Variants in PTPRT observed in about 807,000 individuals in gnomAD.
PTPRT encodes protein tyrosine phosphatase receptor type T, also known as receptor-type tyrosine-protein phosphatase T.
In PTPRT, 56 loss-of-function variants were observed where a neutral mutation model predicts 176.8. The observed-to-expected ratio is 0.32, with a 90% CI of 0.26 to 0.40. The LOEUF is 0.40. PTPRT is among the 10% of genes least tolerant of loss of function. PTPRT has a pLI of 1.00. For synonymous variants in PTPRT, 783 were observed against 739.0 expected (o/e 1.06, Z -0.96); for missense variants, 1,540 against 1,908.2 (o/e 0.81, Z 3.60).
chr20:42,737,599 T>C (rs1449438207), intron 6 of PTPRT, among the ~76,000 whole-genome samples: 1 of 149,228 alleles, frequency 6.7e-6, no homozygotes, highest in African/African-American at 2.5e-5. Context: ...ACCATTGCAC[T>C]CCAGCCTGTG....
At chr20:42,391,255 C>G (rs1424762324) in intron 9 of PTPRT, among the ~76,000 whole-genome samples, 1 of 152,094 alleles carries the variant, frequency 6.6e-6, no homozygotes, top group Non-Finnish European at 1.5e-5. Flanking sequence ...TCGACTACAC[C>G]TCACAGGAAA....
intron 1 of PTPRT, among the ~76,000 whole-genome samples, chr20:42,891,625 T>A (rs2145887059): frequency 6.6e-6 from 1 of 152,258 alleles, no homozygotes. Context: ...AAACATGAGC[T>A]CTTCTTTTGA....
intron 13 of PTPRT, among the ~76,000 whole-genome samples, chr20:42,256,921 G>A (rs755243746): frequency 6.6e-6 from 1 of 152,192 alleles, no homozygotes; most frequent in Non-Finnish European, 1.5e-5. Flanking sequence ...CACCGCCAAA[G>A]AAGGGGCCTG....
intron 6 of PTPRT, among the ~76,000 whole-genome samples, chr20:42,738,378 G>T (rs1337410976): frequency 6.6e-6 from 1 of 152,054 alleles, no homozygotes; most frequent in Non-Finnish European, 1.5e-5. Flanking sequence ...CAGGCATGGT[G>T]GCAGGTGCCT....
intron 17 of PTPRT, among the ~76,000 whole-genome samples, chr20:42,156,947 A>G (rs943908820): frequency 1.3e-5 from 2 of 152,202 alleles, no homozygotes; most frequent in Admixed American, 1.3e-4. Flanking sequence ...TGTCTTCTCA[A>G]AGCTCTGAGG....
chr20:42,157,196 C>T lies in PTPRT; in HGVS notation c.2682+4156G>A, dbSNP rs561151371. Among the ~76,000 whole-genome samples the T allele has an allele frequency of 3.0e-4, 45 of 152,200 alleles. 3 individuals are homozygous for T. The South Asian group carries it at 6.0e-3, about 20-fold the overall frequency. ...TCCACCATGTCTATATTCCAAGTTT[C>T]GTCATCTAATTAAGGACTATCCTTT... On this transcript the variant is annotated intron_variant, in intron 17 of 30. Transcript: ENST00000373187.
chr20:42,349,523 T>A (rs1256291914), intron 11 of PTPRT, among the ~76,000 whole-genome samples: 1 of 152,242 alleles, frequency 6.6e-6, no homozygotes, highest in African/African-American at 2.4e-5. Flanking sequence ...TTCTTTAGGA[T>A]GTGACTTATC....
chr20:42,936,796 T>C (rs561412789), intron 1 of PTPRT, among the ~76,000 whole-genome samples: 65 of 152,262 alleles, frequency 4.3e-4, no homozygotes, highest in African/African-American at 1.4e-3. Context: ...AACAAAGAAA[T>C]AAGACATAGT....
intron 1 of PTPRT, among the ~76,000 whole-genome samples, chr20:43,010,106 T>C (rs989657248): frequency 1.3e-5 from 2 of 152,108 alleles, no homozygotes; most frequent in African/African-American, 2.4e-5. Context: ...TTCAGAAATG[T>C]CCCCACCTCC....
chr20:43,183,709 C>T (rs2015322205), intron 1 of PTPRT, among the ~76,000 whole-genome samples: 1 of 152,246 alleles, frequency 6.6e-6, no homozygotes, highest in Non-Finnish European at 1.5e-5. Flanking sequence ...ACCCCTGCTC[C>T]ATGCCCAACC....
intron 13 of PTPRT, among the ~76,000 whole-genome samples, chr20:42,253,903 C>T (rs968739572): frequency 2.0e-5 from 3 of 152,176 alleles, no homozygotes; most frequent in East Asian, 1.9e-4. Context: ...TCCCCAAATG[C>T]CATGATGGCT....
intron 16 of PTPRT, among the ~76,000 whole-genome samples, chr20:42,182,395 G>T (rs1471849706): frequency 1.3e-5 from 2 of 152,158 alleles, no homozygotes; most frequent in African/African-American, 4.8e-5. Context: ...GAGAATGATG[G>T]GATAGAATAA....
intron 5 of PTPRT, among the ~76,000 whole-genome samples, chr20:42,766,868 G>A (rs1470079366): frequency 6.6e-6 from 1 of 152,220 alleles, no homozygotes; most frequent in African/African-American, 2.4e-5. Flanking sequence ...AGCTACAGCA[G>A]GAAGTAGCAC....
chr20:42,269,772 G>C (rs930437102), intron 13 of PTPRT, among the ~76,000 whole-genome samples: 8 of 152,200 alleles, frequency 5.3e-5, no homozygotes, highest in Non-Finnish European at 1.2e-4. Flanking sequence ...TGCCCCATAA[G>C]GGGTAGGTGG....
chr20:42,695,036 G>A (rs537471433), intron 6 of PTPRT, among the ~76,000 whole-genome samples: 60 of 152,270 alleles, frequency 3.9e-4, no homozygotes, highest in African/African-American at 1.4e-3. Context: ...GGCCGAGGCG[G>A]GAGGGTGAAA....
At chr20:42,939,655 G>C (rs947598204) in intron 1 of PTPRT, among the ~76,000 whole-genome samples, 1 of 152,110 alleles carries the variant, frequency 6.6e-6, no homozygotes, top group African/African-American at 2.4e-5. Context: ...TCAGCTAAGA[G>C]CTGGGGCCAT....
chr20:42,532,263 A>T (rs1246990702), intron 7 of PTPRT, among the ~76,000 whole-genome samples: 2 of 152,122 alleles, frequency 1.3e-5, no homozygotes, highest in Non-Finnish European at 2.9e-5. Flanking sequence ...TCCCCACCCC[A>T]TAGGGCTGTT....
chr20:42,171,004 G>A (rs1045754523), intron 16 of PTPRT, among the ~76,000 whole-genome samples: 5 of 152,068 alleles, frequency 3.3e-5, no homozygotes, highest in Non-Finnish European at 7.4e-5. Context: ...CAGAAACTAC[G>A]TTACTCATAC....
At position 42,494,304 on chromosome 20, in the gene PTPRT, A is replaced by G. The variant is rs75787513; in HGVS notation, c.1154-21742T>C. On this transcript the variant is annotated intron_variant, in intron 7 of 30. Transcript: ENST00000373187. ...GATCTCTTTGAAAATTAGGGAAACA[A>G]CGTTTTCTCATTGCAAATGTTATAA... Among the ~76,000 whole-genome samples the G allele has an allele frequency of 4.8e-3, 731 of 152,238 alleles. 5 individuals are homozygous for G. Among genetic ancestry groups the G allele is most frequent in the African/African-American group, 0.017 (700 of 41,542 alleles).
Sources: gnomAD v4.1 joint callset for allele counts (sites outside exome capture counted in the v4.1 genomes callset) on GRCh38, gnomAD v4.1.1 for gene constraint, MANE v1.5 for transcripts, NCBI Gene and HGNC (gene_info 2026-07-23, HGNC 2026-07-21) for gene names.